PCM1: variants seen among roughly 807,000 people sequenced by gnomAD.
PCM1 encodes pericentriolar material 1 protein.
Under a neutral mutation model 241.9 loss-of-function variants are expected in PCM1, and 157 were observed. The ratio of observed to expected loss-of-function variants is 0.65; its 90% CI spans 0.57 to 0.74. PCM1 has a LOEUF of 0.74. Among genes scored for constraint, PCM1 ranks in the 30% least tolerant of loss-of-function variants. PCM1 has a pLI of 0.00. For synonymous variants in PCM1, 1,085 were observed against 784.9 expected, an observed-to-expected ratio of 1.38 and a Z score of -6.39; for missense variants, 3,478 against 2,360.1, an observed-to-expected ratio of 1.47 and a Z score of -9.81.
intron 6 of PCM1, among the ~76,000 whole-genome samples, chr8:17,941,358 A>G (rs1277816204): frequency 6.6e-6 from 1 of 152,172 alleles, no homozygotes; most frequent in Non-Finnish European, 1.5e-5. Context: ...AAAGTTGACT[A>G]ATAACATGTA....
In PCM1 at chr8:17,939,661, CT is replaced by C. The variant is rs750509271; in HGVS notation, c.613-23del. ...GTTTTATATATTGTGTACTTTCATG[CT>C]TTTTTTAAAAAAAATATTTCCCCTG... is the stretch of plus-strand genomic sequence containing the variant. On this transcript the variant is annotated intron_variant, in intron 5 of 38. Coordinates refer to ENST00000325083, the MANE Select transcript of PCM1 (RefSeq NM_006197.4). The C allele has an allele frequency of 1.5e-5, 21 of 1,396,336 alleles. No homozygotes were observed. In the East Asian group the frequency reaches 2.3e-4, roughly 15 times the overall value. The allele number at this position is 1,396,336 out of a possible 1,614,324, so 86.5% of individuals were successfully genotyped here.
chr8:17,967,992 G>A (rs1431202825), intron 21 of PCM1, among the ~76,000 whole-genome samples: 1 of 151,482 alleles, frequency 6.6e-6, no homozygotes, highest in African/African-American at 2.4e-5. Flanking sequence ...TTATAGTACA[G>A]TGCCACGGGT....
intron 2 of PCM1, among the ~76,000 whole-genome samples, chr8:17,928,547 C>T (rs1207084994): frequency 9.9e-5 from 15 of 151,430 alleles, no homozygotes; most frequent in Admixed American, 9.9e-4. Context: ...CCCCAATGGC[C>T]CCCGCTTTCT....
At chr8:17,928,495 C>T (rs535702381) in intron 2 of PCM1, among the ~76,000 whole-genome samples, 1 of 151,662 alleles carries the variant, frequency 6.6e-6, no homozygotes, top group African/African-American at 2.4e-5. Context: ...AAGAGATGTT[C>T]TTCTTCCTCT....
At chr8:17,947,385 T>C (rs762773901) in intron 7 of PCM1, 22 bp downstream of exon 7, 2 of 1,522,722 alleles carry the variant, frequency 1.3e-6, no homozygotes, top group Middle Eastern at 1.7e-4. Flanking sequence ...TCTGAGAATA[T>C]TCTTTTTGTA....
intron 23 of PCM1, among the ~76,000 whole-genome samples, chr8:17,974,220 C>G (rs2077851510): frequency 6.6e-6 from 1 of 152,086 alleles, no homozygotes; most frequent in Non-Finnish European, 1.5e-5. Flanking sequence ...TGCGCTTTTC[C>G]AAGATTACTG....
chr8:17,945,958 AAT>A (rs1563778414), intron 6 of PCM1, among the ~76,000 whole-genome samples: 2 of 152,218 alleles, frequency 1.3e-5, no homozygotes, highest in Non-Finnish European at 2.9e-5. Context: ...CAACTTTTAA[AAT>A]AAAAGACTTT....
chr8:18,010,800 G>A, intron 32 of PCM1, 132 bp downstream of exon 32: 1 of 602,128 alleles, frequency 1.7e-6, no homozygotes, highest in Non-Finnish European at 2.9e-6. Flanking sequence ...GGCCAACATG[G>A]TGAAACCCCG....
intron 29 of PCM1, among the ~76,000 whole-genome samples, chr8:17,999,502 C>T (rs534853679): frequency 6.6e-6 from 1 of 151,992 alleles, no homozygotes; most frequent in African/African-American, 2.4e-5. Context: ...CTGCCGGTGC[C>T]CTGTTGTAGC....
At chr8:17,931,108 TA>T (rs984520216) in intron 2 of PCM1, among the ~76,000 whole-genome samples, 1 of 152,144 alleles carries the variant, frequency 6.6e-6, no homozygotes, top group African/African-American at 2.4e-5. Context: ...TAAAAAATAC[TA>T]AAAAAATCAT....
At chr8:17,960,752 C>T (rs1349372870) in intron 15 of PCM1, among the ~76,000 whole-genome samples, 1 of 151,978 alleles carries the variant, frequency 6.6e-6, no homozygotes, top group South Asian at 2.1e-4. Flanking sequence ...TTTCGATCTC[C>T]TGACCTCGTG....
intron 17 of PCM1, 37 bp from the exon 18 acceptor site, chr8:17,964,531 C>A: frequency 6.5e-7 from 1 of 1,531,478 alleles, no homozygotes; most frequent in South Asian, 1.2e-5. Context: ...TAACTTATCT[C>A]CAGAATGACA....
chr8:18,004,752 C>G (rs1289508306), intron 29 of PCM1, among the ~76,000 whole-genome samples: 1 of 152,074 alleles, frequency 6.6e-6, no homozygotes. Context: ...AAAATGTATT[C>G]TCCTCCTTAG....
In PCM1 at chr8:18,025,604, T is replaced by A; in HGVS notation, c.5995T>A (p.Cys1999Ser). The A allele has an allele frequency of 5.7e-6, 9 of 1,584,200 alleles. No individual in the cohort carries two copies. The South Asian group carries it at 1.0e-4, about 18-fold the overall frequency. Residue 1999 changes from cysteine to serine, a missense_variant, in exon 38 of 39, where the codon TGT (cysteine) becomes AGT (serine). Coordinates refer to ENST00000325083, the MANE Select transcript of PCM1 (RefSeq NM_006197.4). ...EQKNHLSGEICEMQTEELAGN... is the reference protein window; with the variant it reads ...EQKNHLSGEISEMQTEELAGN... The stretch of plus-strand genomic sequence containing the variant: ...GAAAAACCATTTATCTGGTGAAATA[T>A]GTGAAATGCAGACCGAAGAATTAGC...
At position 17,975,490 on chromosome 8, in the gene PCM1, G is replaced by A. The variant is rs568530553; in HGVS notation, c.3943+2803G>A. 1.4e-4 allele frequency among the ~76,000 whole-genome samples: 22 copies of A among 152,174 alleles called. No homozygotes were observed. In the East Asian group the frequency reaches 3.9e-3, roughly 27 times the overall value. ...TTTTTATTATATCTTAAAGGAAGTG[G>A]TAAATAGAGGTGGGTGGGGAAAAGT... is the stretch of plus-strand genomic sequence containing the variant. On this transcript the variant is annotated intron_variant, in intron 23 of 38. Coordinates refer to ENST00000325083, the MANE Select transcript of PCM1 (RefSeq NM_006197.4).
intron 7 of PCM1, among the ~76,000 whole-genome samples, chr8:17,948,700 TTAAAGTACCA>T (rs1227740332): frequency 2.6e-5 from 4 of 152,208 alleles, no homozygotes; most frequent in Non-Finnish European, 4.4e-5. Context: ...ATTGTAAAAT[TTAAAGTACCA>T]TTAGCTTTTA....
At chr8:17,995,631 A>G (rs1183726697) in intron 29 of PCM1, among the ~76,000 whole-genome samples, 7 of 151,342 alleles carry the variant, frequency 4.6e-5, no homozygotes, top group Non-Finnish European at 8.8e-5. Flanking sequence ...TCACAATTGT[A>G]TTGAATCTGT....
At chr8:17,983,328 A>T in intron 24 of PCM1, 7 of 1,218,342 alleles carry the variant, frequency 5.7e-6, no homozygotes, top group Non-Finnish European at 7.6e-6. Context: ...CTTTTTGTTA[A>T]TTTTTTCCCA....
rs775496658 is a variant in PCM1, at chr8:17,972,598, A to G, written c.3854A>G (p.Gln1285Arg). 3 of 1,601,274 alleles carry G rather than the reference A, an allele frequency of 1.9e-6. No homozygotes were observed. The highest frequency in any genetic ancestry group is 1.3e-5 in the African/African-American group (1 of 74,184). ...TTCAAGACAAGAAAAGCGTCTGCAC[A>G]GGCCAGCCTGGCATCTAAAGATAAA... ...KTFKTRKASA[Q>R]ASLASKDKTP... The change falls in exon 23 of 39, where the codon CAG becomes CGG. Residue 1285 changes from glutamine to arginine, a missense_variant. Transcript: ENST00000325083.
Sources: allele counts gnomAD v4.1 joint callset (sites outside exome capture counted in the v4.1 genomes callset), GRCh38; gene constraint gnomAD v4.1.1; transcripts MANE v1.5; gene names NCBI Gene and HGNC (gene_info 2026-07-23, HGNC 2026-07-21).